POLN: variants seen among roughly 807,000 people sequenced by gnomAD.
POLN encodes DNA polymerase N.
POLN carries 108 observed loss-of-function variants against 113.5 expected under a neutral mutation model. The ratio of observed to expected loss-of-function variants is 0.95; its 90% CI spans 0.81 to 1.12. POLN has a LOEUF of 1.12. Ranked by LOEUF, POLN falls within the 50% of genes most tolerant of loss-of-function variation. POLN has a pLI of 0.00. For synonymous variants in POLN, 386 were observed against 391.5 expected, an observed-to-expected ratio of 0.99 and a Z score of 0.17; for missense variants, 1,097 against 1,077.1, an observed-to-expected ratio of 1.02 and a Z score of -0.26.
chr4:2,182,825 T>TAA (rs75222248), intron 7 of POLN, among the ~76,000 whole-genome samples: 3 of 144,224 alleles, frequency 2.1e-5, no homozygotes, highest in Admixed American at 6.9e-5. Flanking sequence ...CGGATTTCCT[T>TAA]AAAAAAAAAA....
intron 16 of POLN, among the ~76,000 whole-genome samples, chr4:2,138,156 T>C (rs1262063836): frequency 1.3e-5 from 2 of 152,122 alleles, no homozygotes; most frequent in Non-Finnish European, 2.9e-5. Context: ...TTTTGACCCA[T>C]ACAGTGCAAG....
rs534694156 is a variant in POLN at position 2,169,594 on chromosome 4, G to GA, written c.1554+1084dup. On this transcript the variant is annotated intron_variant, in intron 13 of 25. Coordinates refer to ENST00000511885, the MANE Select transcript of POLN (RefSeq NM_181808.4). Reference sequence around the variant, plus strand: ...GGACACACACACACGCACACACACTGAAGCCTTACAAGATTCCAGTAGGGA... The same window carrying GA: ...GGACACACACACACGCACACACACTGAAAGCCTTACAAGATTCCAGTAGGGA... Among the ~76,000 whole-genome samples, 726 of 152,280 alleles carry GA rather than the reference G, an allele frequency of 4.8e-3. 3 individuals carry two copies. The highest frequency in any genetic ancestry group is 0.01 in the Middle Eastern group (3 of 294).
At chr4:2,142,067 T>C (rs1340029757) in intron 16 of POLN, among the ~76,000 whole-genome samples, 2 of 152,228 alleles carry the variant, frequency 1.3e-5, no homozygotes, top group African/African-American at 2.4e-5. Context: ...TTGCATCCTC[T>C]CTACTCAATG....
chr4:2,185,181 T>C (rs1733240360), intron 7 of POLN, among the ~76,000 whole-genome samples: 1 of 152,236 alleles, frequency 6.6e-6, no homozygotes, highest in Admixed American at 6.5e-5. Context: ...CCAAACATTA[T>C]ATACCTCCTG....
chr4:2,174,968 AC>A (rs1242063458), intron 9 of POLN, among the ~76,000 whole-genome samples: 2 of 151,672 alleles, frequency 1.3e-5, no homozygotes, highest in Non-Finnish European at 2.9e-5. Context: ...GACTACAGGC[AC>A]CCCCCACCAT....
chr4:2,166,969 C>T (rs186512881), intron 13 of POLN, among the ~76,000 whole-genome samples: 9 of 152,256 alleles, frequency 5.9e-5, no homozygotes, highest in Admixed American at 2.6e-4. Flanking sequence ...TATATCCTAC[C>T]GGTTCTATTT....
chr4:2,239,221 G>A (rs1316562991), intron 2 of POLN, among the ~76,000 whole-genome samples: 1 of 152,128 alleles, frequency 6.6e-6, no homozygotes, highest in Non-Finnish European at 1.5e-5. Flanking sequence ...ACTAAGTCAA[G>A]GGTATGAATT....
At position 2,174,073 on chromosome 4, in the gene POLN, T is replaced by C. The variant is rs1368134945; in HGVS notation, c.1310-54A>G. On this transcript the variant is annotated intron_variant, in intron 10 of 25. Transcript: ENST00000511885. ...ATTTGCATTAATGTATTCTTTTTAC[T>C]AAAGACTAAAATGCTTCGCTCCCTG... The C allele has an allele frequency of 2.6e-6, 4 of 1,549,058 alleles. No individual in the cohort carries two copies. In the African/African-American group the frequency reaches 5.5e-5, roughly 21 times the overall value.
chr4:2,209,086 A>AAG (rs954119461), intron 4 of POLN, among the ~76,000 whole-genome samples: 3 of 152,190 alleles, frequency 2.0e-5, no homozygotes, highest in African/African-American at 7.2e-5. Flanking sequence ...ATATGTGCAT[A>AAG]AGAGAGAAGA....
In POLN at chr4:2,078,766, T is replaced by G. The variant is rs1459383870; in HGVS notation, c.2387+2192A>C. Reference sequence around the variant, plus strand: ...TTTTGCTATGAGAAGCATTTCCTCGTGACAGCCAATGGCTGATGACAGAAG... The same window carrying G: ...TTTTGCTATGAGAAGCATTTCCTCGGGACAGCCAATGGCTGATGACAGAAG... On this transcript the variant is annotated intron_variant, in intron 23 of 25. Coordinates refer to ENST00000511885, the MANE Select transcript of POLN (RefSeq NM_181808.4). 3 of 985,328 alleles carry G rather than the reference T, an allele frequency of 3.0e-6. No homozygotes were observed. In the African/African-American group the frequency reaches 5.2e-5, roughly 17 times the overall value. The allele number at this position is 985,328 out of a possible 1,614,324, so 61.0% of individuals were successfully genotyped here.
rs947922366 is a variant in POLN at position 2,095,933 on chromosome 4, C to T, written c.1983G>A (p.Trp661Ter). Residue 661 changes from tryptophan to a stop codon, truncating the protein, a stop_gained and splice_region_variant, in exon 20 of 26, where the codon TGG becomes TGA. Transcript: ENST00000511885. LOFTEE classifies it high-confidence loss of function. ...TCACCTGTTCCACGGGCACATCCTT[C>T]CTGCATGGAGAGACCATGTGTGAAG... is the stretch of plus-strand genomic sequence containing the variant. ...DDVFSTLTSQ[W>*]KDVPVEQVTH... 1 of 1,613,970 alleles carries T rather than the reference C, an allele frequency of 6.2e-7. No individual in the cohort carries two copies.
intron 3 of POLN, among the ~76,000 whole-genome samples, chr4:2,222,787 G>A (rs58518147): frequency 6.8e-6 from 1 of 147,818 alleles, no homozygotes; most frequent in Non-Finnish European, 1.5e-5. Context: ...GTACTTCTCA[G>A]ATGTGCAGTA....
chr4:2,210,426 C>T (rs1422829335), intron 4 of POLN, among the ~76,000 whole-genome samples: 1 of 149,984 alleles, frequency 6.7e-6, no homozygotes, highest in East Asian at 2.0e-4. Context: ...ACAAAGAATA[C>T]AAAAATTAGC....
intron 3 of POLN, among the ~76,000 whole-genome samples, chr4:2,222,984 C>A (rs1221791158): frequency 6.6e-6 from 1 of 152,144 alleles, no homozygotes; most frequent in Non-Finnish European, 1.5e-5. Flanking sequence ...CTCCTGCCAC[C>A]AACTGTAGCA....
intron 16 of POLN, among the ~76,000 whole-genome samples, chr4:2,132,291 T>C (rs966700747): frequency 4.6e-5 from 7 of 152,200 alleles, no homozygotes; most frequent in Admixed American, 4.6e-4. Flanking sequence ...TCAATAGAAA[T>C]GATCCAATCT....
At chr4:2,186,502 C>T (rs1733277076) in intron 7 of POLN, among the ~76,000 whole-genome samples, 1 of 152,156 alleles carries the variant, frequency 6.6e-6, no homozygotes, top group South Asian at 2.1e-4. Context: ...ATGGGGAGCG[C>T]TCTGAAGTTT....
intron 19 of POLN, among the ~76,000 whole-genome samples, chr4:2,124,216 T>C (rs1011816091): frequency 1.3e-5 from 2 of 152,154 alleles, no homozygotes; most frequent in African/African-American, 4.8e-5. Context: ...TGGTGGTTAA[T>C]GGGCATGAGT....
rs1172946471 is a variant in POLN, at chr4:2,232,086, A to G, written c.-12-2843T>C. ...AAGTTTTTCTTTTTGTCTTCACATC[A>G]GCAAGAATATCAGTGAGGAGATGAT... is the stretch of plus-strand genomic sequence containing the variant. On this transcript the variant is annotated intron_variant, in intron 2 of 25. Transcript: ENST00000511885. 3 of 1,604,820 alleles carry G rather than the reference A, an allele frequency of 1.9e-6. No homozygotes were observed. The African/African-American group carries it at 4.0e-5, about 22-fold the overall frequency.
At chr4:2,213,617 G>T (rs777684177) in intron 3 of POLN, among the ~76,000 whole-genome samples, 6 of 152,200 alleles carry the variant, frequency 3.9e-5, no homozygotes, top group Non-Finnish European at 8.8e-5. Flanking sequence ...GGATTTGGGA[G>T]TCTGTGCTCT....
Sources: allele counts gnomAD v4.1 joint callset (sites outside exome capture counted in the v4.1 genomes callset), GRCh38; gene constraint gnomAD v4.1.1; transcripts MANE v1.5; gene names NCBI Gene and HGNC (gene_info 2026-07-23, HGNC 2026-07-21).